Variants in PUM3 observed in about 807,000 individuals in gnomAD.
PUM3 encodes pumilio RNA binding family member 3, also known as pumilio homolog 3.
A neutral mutation model predicts 84.0 loss-of-function variants in PUM3; 91 were observed. That is an observed-to-expected ratio of 1.08 (90% CI 0.91 to 1.29). PUM3 has a LOEUF of 1.29. PUM3 is among the 50% of genes most tolerant of loss of function. The pLI, the probability that PUM3 is intolerant of heterozygous loss-of-function variation, is 0.00. For synonymous variants in PUM3, 321 were observed against 266.7 expected (o/e 1.20, Z -1.98); for missense variants, 1,067 against 767.5 (o/e 1.39, Z -4.61).
chr9:2,828,436 C>G (rs1212574414), intron 9 of PUM3: 1 of 400,156 alleles, frequency 2.5e-6, no homozygotes, highest in Admixed American at 4.2e-5. Flanking sequence ...TGTTTCATTG[C>G]TTAAAAAAGC....
chr9:2,816,331 C>T (rs532642601), intron 13 of PUM3, among the ~76,000 whole-genome samples: 1 of 152,244 alleles, frequency 6.6e-6, no homozygotes, highest in African/African-American at 2.4e-5. Flanking sequence ...AACAGGGTGA[C>T]TGTTTCCAAA....
intron 12 of PUM3, among the ~76,000 whole-genome samples, chr9:2,822,912 G>A (rs1308535126): frequency 6.6e-6 from 1 of 151,606 alleles, no homozygotes; most frequent in East Asian, 1.9e-4. Context: ...GAAGACAATA[G>A]TCAAGTACAC....
rs572752267 is a variant in PUM3, at chr9:2,821,443, C to CAAAAAAAAA, written c.1189-1354_1189-1346dup. On this transcript the variant is annotated intron_variant, in intron 12 of 17. Coordinates refer to ENST00000397885, the MANE Select transcript of PUM3 (RefSeq NM_014878.5). ...TGGGCGACAGAGCAAGACTCTGTCT[C>CAAAAAAAAA]AAAAAAAAAAAAAAAAAAAGAACAT... Among the ~76,000 whole-genome samples, 40 of 50,122 alleles carry CAAAAAAAAA rather than the reference C, an allele frequency of 8.0e-4. 4 individuals are homozygous for CAAAAAAAAA. Among genetic ancestry groups the CAAAAAAAAA allele is most frequent in the Non-Finnish European group, 1.1e-3 (29 of 27,388 alleles). The allele number at this position is 50,122 out of a possible 152,430, so 32.9% of individuals were successfully genotyped here. A position where few individuals can be genotyped will look rare whatever the true frequency, so the allele number is the denominator to read the frequency against.
chr9:2,810,239 G>C, intron 16 of PUM3, 105 bp downstream of exon 16: 1 of 731,844 alleles, frequency 1.4e-6, no homozygotes, highest in Non-Finnish European at 2.4e-6. Flanking sequence ...CTAGACACTT[G>C]GCAAACTTCA....
chr9:2,839,041 A>G (rs1481909016), intron 1 of PUM3, among the ~76,000 whole-genome samples: 2 of 152,238 alleles, frequency 1.3e-5, no homozygotes, highest in Admixed American at 6.5e-5. Flanking sequence ...ATTAGCATCC[A>G]GTGTTTAATC....
chr9:2,837,377 G>T lies in PUM3; in HGVS notation c.107C>A (p.Pro36Gln), dbSNP rs1428560003. Residue 36 changes from proline to glutamine, a missense_variant, in exon 3 of 18, where the codon CCA becomes CAA. Transcript: ENST00000397885. Reference sequence around the variant, plus strand: ...ACCTTCTTTAGCAACTTTCCTTGTTGGAAATGTCTTTGAAGAACCAGAATC... The same window carrying T: ...ACCTTCTTTAGCAACTTTCCTTGTTTGAAATGTCTTTGAAGAACCAGAATC... Reference protein sequence around the residue: ...NSDSGSSKTFPTRKVAKEGGP... With the variant: ...NSDSGSSKTFQTRKVAKEGGP... The T allele has an allele frequency of 6.2e-7, 1 of 1,612,450 alleles. No individual in the cohort carries two copies. Among genetic ancestry groups the T allele is most frequent in the African/African-American group, 1.3e-5 (1 of 74,830 alleles).
intron 13 of PUM3, among the ~76,000 whole-genome samples, chr9:2,816,984 G>A (rs1467837508): frequency 6.6e-6 from 1 of 152,200 alleles, no homozygotes; most frequent in Non-Finnish European, 1.5e-5. Context: ...ACTGCGTAAT[G>A]CAATGGTTTC....
chr9:2,841,136 C>T (rs1816254887), intron 1 of PUM3, among the ~76,000 whole-genome samples: 1 of 152,172 alleles, frequency 6.6e-6, no homozygotes, highest in Admixed American at 6.5e-5. Flanking sequence ...AACCTGCTTC[C>T]CACCATCTAC....
intron 13 of PUM3, among the ~76,000 whole-genome samples, chr9:2,817,676 T>C (rs1821499439): frequency 6.6e-6 from 1 of 152,186 alleles, no homozygotes; most frequent in African/African-American, 2.4e-5. Context: ...ATACCAAATT[T>C]ATCATAGTAG....
intron 16 of PUM3, among the ~76,000 whole-genome samples, chr9:2,810,097 G>C (rs1222636850): frequency 1.3e-5 from 2 of 151,146 alleles, no homozygotes; most frequent in Non-Finnish European, 3.0e-5. Context: ...AGAGAGTGAG[G>C]GGGCGGTGGG....
At chr9:2,817,681 T>A (rs1256074698) in intron 13 of PUM3, among the ~76,000 whole-genome samples, 1 of 152,194 alleles carries the variant, frequency 6.6e-6, no homozygotes, top group African/African-American at 2.4e-5. Flanking sequence ...AAATTTATCA[T>A]AGTAGATATG....
chr9:2,830,967 C>A lies in PUM3; in HGVS notation c.672G>T (p.Met224Ile). The A allele has an allele frequency of 1.4e-6, 2 of 1,442,808 alleles. No individual in the cohort carries two copies. Among genetic ancestry groups the A allele is most frequent in the Non-Finnish European group, 1.9e-6 (2 of 1,033,690 alleles). 89.4% of individuals were successfully genotyped at this position (1,442,808 alleles called of 1,614,324 possible). A position where few individuals can be genotyped will look rare whatever the true frequency, so the allele number is the denominator to read the frequency against. ...TTATACATAAAACAACTTACCCATA[C>A]ATGAGAAATTTCTTAACAATATTTC... The part of the protein sequence containing the change: ...YSRNIVKKFL[M>I]YGSKPQIAEI... The change falls in exon 7 of 18, where the codon ATG becomes ATT. Residue 224 changes from methionine to isoleucine, a missense_variant. Coordinates refer to ENST00000397885, the MANE Select transcript of PUM3 (RefSeq NM_014878.5).
At chr9:2,819,467 C>G (rs1047487813) in intron 13 of PUM3, among the ~76,000 whole-genome samples, 5 of 152,162 alleles carry the variant, frequency 3.3e-5, no homozygotes, top group African/African-American at 1.2e-4. Context: ...AACTTTTAAT[C>G]TGACCCTACA....
rs1377185761 is a variant in PUM3 at position 2,828,674 on chromosome 9, C to T, written c.956+1G>A. 28 of 1,548,984 alleles carry T rather than the reference C, an allele frequency of 1.8e-5. No homozygotes were observed. Among genetic ancestry groups the T allele is most frequent in the Non-Finnish European group, 2.5e-5 (28 of 1,123,152 alleles). On this transcript the variant is annotated splice_donor_variant, in intron 9 of 17. Coordinates refer to ENST00000397885, the MANE Select transcript of PUM3 (RefSeq NM_014878.5). LOFTEE classifies it high-confidence loss of function. ...GAACAAAACAAAAACAACTTTCTTA[C>T]TTTTGGGCCATTGGAGTTAGAATCT...
In PUM3 at chr9:2,837,182, T is replaced by C; in HGVS notation, c.302A>G (p.Asp101Gly). The C allele has an allele frequency of 6.2e-7, 1 of 1,613,806 alleles. No individual in the cohort carries two copies. The highest frequency in any genetic ancestry group is 8.5e-7 in the Non-Finnish European group (1 of 1,179,716). ...KRKFQPDGRSDESAAKKPKWD... is the reference protein window; with the variant it reads ...KRKFQPDGRSGESAAKKPKWD... ...GGCATGAACGAACCAGTACTTACCA[T>C]CGCTTCTACCATCTGGCTGGAATTT... The change falls in exon 3 of 18, where the codon GAT becomes GGT. Residue 101 changes from aspartate (D) to glycine (G), a missense_variant and splice_region_variant. Transcript: ENST00000397885.
chr9:2,824,148 C>T (rs985575268), intron 11 of PUM3, among the ~76,000 whole-genome samples: 1 of 152,098 alleles, frequency 6.6e-6, no homozygotes, highest in African/African-American at 2.4e-5. Context: ...TCCTCAAATG[C>T]AGAGTCTAGC....
At chr9:2,822,273 T>C (rs1052590515) in intron 12 of PUM3, among the ~76,000 whole-genome samples, 3 of 152,114 alleles carry the variant, frequency 2.0e-5, no homozygotes, top group East Asian at 3.9e-4. Flanking sequence ...TTGACAAATA[T>C]AGAATACCCC....
chr9:2,823,785 G>T lies in PUM3; in HGVS notation c.1184C>A (p.Ala395Asp). ...ATGTAGTTTTATTATACTTACATTA[G>T]CCACCTTTTCAACATAAGTCTTCAT... ...KTMKTYVEKV[A>D]NGQYSHLVLL... The change falls in exon 12 of 18, where the codon GCT becomes GAT. Residue 395 changes from alanine to aspartate, a missense_variant. Physicochemically the swap from Ala to Asp is moderately radical, Grantham distance 126. Transcript: ENST00000397885. 1 of 1,436,072 alleles carries T rather than the reference G, an allele frequency of 7.0e-7. No individual in the cohort carries two copies. Among genetic ancestry groups the T allele is most frequent in the Non-Finnish European group, 9.6e-7 (1 of 1,040,122 alleles). The allele number at this position is 1,436,072 out of a possible 1,614,324, so 89.0% of individuals were successfully genotyped here.
Position 2,842,370 on chromosome 9 carries a change from C to A in PUM3, c.-11+1675G>T, listed in dbSNP as rs143842740. Among the ~76,000 whole-genome samples the A allele has an allele frequency of 8.9e-3, 1,354 of 152,258 alleles. 14 individuals are homozygous for A. The highest frequency in any genetic ancestry group is 0.038 in the Middle Eastern group (11 of 292). On this transcript the variant is annotated intron_variant, in intron 1 of 17. Transcript: ENST00000397885. Reference sequence around the variant, plus strand: ...CATGCTCCAATAGCTTCAAAGCTTTCCCACTGCCTTCAGGAAAAAGTTCCA... The same window carrying A: ...CATGCTCCAATAGCTTCAAAGCTTTACCACTGCCTTCAGGAAAAAGTTCCA...
Sources: allele counts gnomAD v4.1 joint callset (sites outside exome capture counted in the v4.1 genomes callset), GRCh38; gene constraint gnomAD v4.1.1; transcripts MANE v1.5; gene names NCBI Gene and HGNC (gene_info 2026-07-23, HGNC 2026-07-21).